The following SH3GL3 variants were observed in gnomAD, a reference collection of about 807,000 sequenced individuals.
SH3GL3 encodes SH3 domain containing GRB2 like 3, endophilin A3, also known as endophilin-A3.
A neutral mutation model predicts 47.7 loss-of-function variants in SH3GL3; 33 were observed. The ratio of observed to expected loss-of-function variants is 0.69; its 90% CI spans 0.52 to 0.92. The LOEUF (loss-of-function observed/expected upper bound fraction) is 0.92, where lower values mean the gene tolerates loss of function less well. Among genes scored for constraint, SH3GL3 ranks in the 40% least tolerant of loss-of-function variants. The pLI is 0.00. For missense variants in SH3GL3, 363 were observed against 417.8 expected (o/e 0.87, Z 1.14); for synonymous variants, 155 against 148.8 (o/e 1.04, Z -0.30).
At chr15:83,457,271 A>T (rs949757460) in intron 1 of SH3GL3, among the ~76,000 whole-genome samples, 3 of 152,164 alleles carry the variant, frequency 2.0e-5, no homozygotes, top group Admixed American at 2.0e-4. Context: ...CTCTCCCAAG[A>T]CTAACCATCT....
chr15:83,461,109 A>G (rs578090975), intron 1 of SH3GL3, among the ~76,000 whole-genome samples: 3 of 152,278 alleles, frequency 2.0e-5, no homozygotes, highest in Non-Finnish European at 4.4e-5. Flanking sequence ...ACTGTACACA[A>G]TAGAAGTAAC....
rs58728071 is a variant in SH3GL3, at chr15:83,466,413, A to AATATATATAT, written c.45+18842_45+18851dup. ...AAATGTCCAGGAGTGCAATTGTTAG[A>AATATATATAT]ATATATATATATATATGGGGAAAGG... On this transcript the variant is annotated intron_variant, in intron 1 of 8. Coordinates refer to ENST00000427482, the MANE Select transcript of SH3GL3 (RefSeq NM_003027.5). Among the ~76,000 whole-genome samples, 497 of 149,682 alleles carry AATATATATAT rather than the reference A, an allele frequency of 3.3e-3. 2 individuals carry two copies. The highest frequency in any genetic ancestry group is 0.015 in the South Asian group (70 of 4,670).
intron 8 of SH3GL3, among the ~76,000 whole-genome samples, chr15:83,610,527 CAAAAAAG>C (rs1178266210): frequency 6.7e-6 from 1 of 148,638 alleles, no homozygotes; most frequent in Non-Finnish European, 1.5e-5. Flanking sequence ...AAGACAGTCT[CAAAAAAG>C]AAAAAAGGAA....
chr15:83,547,743 G>A (rs1256707331), intron 1 of SH3GL3, among the ~76,000 whole-genome samples: 1 of 145,904 alleles, frequency 6.9e-6, no homozygotes, highest in Admixed American at 6.8e-5. Flanking sequence ...TACCTTTAGT[G>A]TGCATCTCTT....
chr15:83,513,474 G>A (rs1268647326), intron 1 of SH3GL3, among the ~76,000 whole-genome samples: 2 of 152,160 alleles, frequency 1.3e-5, no homozygotes, highest in Non-Finnish European at 2.9e-5. Flanking sequence ...TCTGCATCCT[G>A]TGGTGCCTCG....
chr15:83,499,419 A>T (rs2042210585), intron 1 of SH3GL3, among the ~76,000 whole-genome samples: 1 of 150,852 alleles, frequency 6.6e-6, no homozygotes, highest in Non-Finnish European at 1.5e-5. Context: ...AAAGAAAGGC[A>T]CTTATCTTTG....
chr15:83,562,081 A>T (rs959841017), intron 2 of SH3GL3, among the ~76,000 whole-genome samples: 2 of 131,826 alleles, frequency 1.5e-5, no homozygotes, highest in African/African-American at 5.3e-5. Context: ...ACACACACAC[A>T]CTATAGTGTC....
chr15:83,472,345 A>G (rs2040869192), intron 1 of SH3GL3, among the ~76,000 whole-genome samples: 1 of 152,070 alleles, frequency 6.6e-6, no homozygotes, highest in Non-Finnish European at 1.5e-5. Context: ...CATGAATGTT[A>G]GGTCCTTTGT....
intron 8 of SH3GL3, among the ~76,000 whole-genome samples, chr15:83,591,665 C>T (rs1346405288): frequency 2.0e-5 from 3 of 151,836 alleles, no homozygotes; most frequent in East Asian, 1.9e-4. Context: ...TATGTGTATA[C>T]ATTTTTTTAT....
intron 1 of SH3GL3, among the ~76,000 whole-genome samples, chr15:83,486,232 T>C (rs1486311949): frequency 3.1e-5 from 4 of 127,286 alleles, no homozygotes; most frequent in African/African-American, 5.0e-5. Context: ...CTTATACTGC[T>C]TTTTTTTAAA....
intron 3 of SH3GL3, among the ~76,000 whole-genome samples, chr15:83,566,365 A>AGAGAGTGTGTGTGTGT (rs1459069703): frequency 1.5e-5 from 2 of 136,626 alleles, no homozygotes. Context: ...AGAGAGAGAG[A>AGAGAGTGTGTGTGTGT]GTGTGTGTGT....
rs150633698 is a variant in SH3GL3 at position 83,475,034 on chromosome 15, G to A, written c.45+27456G>A. ...TGCAAGAATAGGTATTCTCTCGAATGTTATAAGGCAGATATAATCCCCTTC... is the reference window on the plus strand; with the variant it reads ...TGCAAGAATAGGTATTCTCTCGAATATTATAAGGCAGATATAATCCCCTTC... On this transcript the variant is annotated intron_variant, in intron 1 of 8. Coordinates refer to ENST00000427482, the MANE Select transcript of SH3GL3 (RefSeq NM_003027.5). Among the ~76,000 whole-genome samples, 397 of 151,854 alleles carry A rather than the reference G, an allele frequency of 2.6e-3. 4 individuals carry two copies. The highest frequency in any genetic ancestry group is 9.1e-3 in the African/African-American group (375 of 41,436).
intron 1 of SH3GL3, among the ~76,000 whole-genome samples, chr15:83,463,728 A>C (rs2040417447): frequency 6.8e-6 from 1 of 148,146 alleles, no homozygotes; most frequent in African/African-American, 2.5e-5. Flanking sequence ...TAAATATTTG[A>C]GGAAGTTATT....
At chr15:83,534,203 T>C (rs1297138637) in intron 1 of SH3GL3, among the ~76,000 whole-genome samples, 2 of 152,222 alleles carry the variant, frequency 1.3e-5, no homozygotes, top group Non-Finnish European at 2.9e-5. Flanking sequence ...CCCTTCTGTT[T>C]TCTGCCATGG....
chr15:83,467,280 T>A (rs967812160), intron 1 of SH3GL3, among the ~76,000 whole-genome samples: 10 of 152,258 alleles, frequency 6.6e-5, no homozygotes, highest in African/African-American at 2.4e-4. Context: ...CAGTACCACG[T>A]GTTGCAAAGG....
At chr15:83,583,512 T>C (rs1347585558) in intron 6 of SH3GL3, among the ~76,000 whole-genome samples, 2 of 152,210 alleles carry the variant, frequency 1.3e-5, no homozygotes, top group Non-Finnish European at 2.9e-5. Context: ...TCAGATCTTA[T>C]GCAAGTGTCC....
intron 1 of SH3GL3, among the ~76,000 whole-genome samples, chr15:83,483,343 G>A (rs2041453758): frequency 4.6e-5 from 7 of 152,158 alleles, no homozygotes; most frequent in Admixed American, 3.9e-4. Flanking sequence ...GAGCTGCCTG[G>A]TATGATAGCC....
chr15:83,474,543 C>T (rs565999190), intron 1 of SH3GL3, among the ~76,000 whole-genome samples: 2 of 151,668 alleles, frequency 1.3e-5, no homozygotes, highest in African/African-American at 2.4e-5. Context: ...CTTAGGTAAG[C>T]GTATATTGCT....
chr15:83,465,138 C>T (rs773756596), intron 1 of SH3GL3, among the ~76,000 whole-genome samples: 5 of 151,430 alleles, frequency 3.3e-5, no homozygotes, highest in Non-Finnish European at 5.9e-5. Flanking sequence ...GGTGAAACCC[C>T]GTCTCTACTA....
Sources: gnomAD v4.1 joint callset for allele counts (sites outside exome capture counted in the v4.1 genomes callset) on GRCh38, gnomAD v4.1.1 for gene constraint, MANE v1.5 for transcripts, NCBI Gene and HGNC (gene_info 2026-07-23, HGNC 2026-07-21) for gene names.